Variants in CALCR observed in about 807,000 individuals in gnomAD.
The protein encoded by CALCR is calcitonin receptor.
A neutral mutation model predicts 59.5 loss-of-function variants in CALCR; 47 were observed. The ratio of observed to expected loss-of-function variants is 0.79; its 90% CI spans 0.63 to 1.01. The LOEUF (loss-of-function observed/expected upper bound fraction) is 1.01. Ranked by LOEUF, CALCR falls within the 50% of genes least tolerant of loss-of-function variation. The pLI is 0.00. For missense variants in CALCR, 566 were observed against 597.1 expected, an observed-to-expected ratio of 0.95 and a Z score of 0.54; for synonymous variants, 213 against 211.3, an observed-to-expected ratio of 1.01 and a Z score of -0.07.
chr7:93,540,949 C>CA (rs1789120041), intron 2 of CALCR, among the ~76,000 whole-genome samples: 2 of 151,598 alleles, frequency 1.3e-5, no homozygotes, highest in African/African-American at 4.9e-5. Flanking sequence ...ATATTAATAG[C>CA]AAAAAATTAA....
At chr7:93,481,381 A>G (rs1185592240) in intron 3 of CALCR, among the ~76,000 whole-genome samples, 1 of 151,818 alleles carries the variant, frequency 6.6e-6, no homozygotes, top group African/African-American at 2.4e-5. Context: ...AGATCAGTCC[A>G]TGTTGGAACA....
At chr7:93,501,098 C>T (rs1414204434) in intron 2 of CALCR, among the ~76,000 whole-genome samples, 1 of 151,816 alleles carries the variant, frequency 6.6e-6, no homozygotes, top group African/African-American at 2.4e-5. Flanking sequence ...AAGGGATGGC[C>T]AACCAAGTTG....
intron 2 of CALCR, among the ~76,000 whole-genome samples, chr7:93,520,170 G>A (rs968397628): frequency 4.6e-5 from 7 of 151,942 alleles, no homozygotes; most frequent in African/African-American, 1.7e-4. Flanking sequence ...ATGAAAAAAA[G>A]ATGGAAAATA....
chr7:93,437,433 G>T (rs563161295), intron 11 of CALCR, among the ~76,000 whole-genome samples: 1 of 152,188 alleles, frequency 6.6e-6, no homozygotes, highest in East Asian at 1.9e-4. Flanking sequence ...GTACCTGAAA[G>T]ATTATTTAAT....
chr7:93,498,436 T>A (rs1253607012), intron 2 of CALCR, among the ~76,000 whole-genome samples: 3 of 151,694 alleles, frequency 2.0e-5, no homozygotes, highest in African/African-American at 7.2e-5. Flanking sequence ...GGTTATGATC[T>A]GTCTAATTAA....
At chr7:93,492,245 G>A (rs1801096870) in intron 2 of CALCR, among the ~76,000 whole-genome samples, 1 of 151,464 alleles carries the variant, frequency 6.6e-6, no homozygotes, top group Non-Finnish European at 1.5e-5. Context: ...AGGCCTGTTG[G>A]TGGGAGGGGT....
intron 2 of CALCR, among the ~76,000 whole-genome samples, chr7:93,560,728 G>A (rs759692151): frequency 1.3e-5 from 2 of 152,068 alleles, no homozygotes; most frequent in Non-Finnish European, 2.9e-5. Flanking sequence ...GCATTTCTCA[G>A]CTTCTAACCA....
chr7:93,478,772 G>A (rs953262231), intron 4 of CALCR, among the ~76,000 whole-genome samples: 2 of 151,624 alleles, frequency 1.3e-5, no homozygotes, highest in Admixed American at 6.6e-5. Flanking sequence ...TTTTCTATGG[G>A]TCCTCTACAG....
intron 2 of CALCR, among the ~76,000 whole-genome samples, chr7:93,562,291 T>C (rs535230889): frequency 1.3e-5 from 2 of 152,206 alleles, no homozygotes; most frequent in East Asian, 3.9e-4. Context: ...TGTTTGTACA[T>C]AGCTTGGCAT....
chr7:93,472,313 T>C (rs1800569243), intron 6 of CALCR, 62 bp downstream of exon 6: 1 of 964,124 alleles, frequency 1.0e-6, no homozygotes, highest in Admixed American at 2.0e-5. Context: ...CAGTTATGCG[T>C]CCATTTCCTT....
Position 93,532,838 on chromosome 7 carries a change from C to CAAAAAAAAAAAAA in CALCR, c.-27+41438_-27+41450dup, listed in dbSNP as rs57128008. Reference sequence around the variant, plus strand: ...TAGCCTTGATTCCTCATGTCCAAAGCAAAAAAAAAAAAAAAAAAAAAAAAA... The same window carrying CAAAAAAAAAAAAA: ...TAGCCTTGATTCCTCATGTCCAAAGCAAAAAAAAAAAAAAAAAAAAAAAAAAAAAAAAAAAAAA... On this transcript the variant is annotated intron_variant, in intron 2 of 13. Coordinates refer to ENST00000426151, the MANE Select transcript of CALCR (RefSeq NM_001742.4). 2.4e-3 allele frequency among the ~76,000 whole-genome samples: 233 copies of CAAAAAAAAAAAAA among 95,640 alleles called. 10 individuals carry two copies. The highest frequency in any genetic ancestry group is 6.2e-3 in the Middle Eastern group (1 of 162). 62.7% of individuals were successfully genotyped at this position (95,640 alleles called of 152,430 possible).
At chr7:93,470,118 G>T (rs1800521513) in intron 6 of CALCR, among the ~76,000 whole-genome samples, 1 of 151,642 alleles carries the variant, frequency 6.6e-6, no homozygotes, top group Non-Finnish European at 1.5e-5. Flanking sequence ...TATTTTTGGG[G>T]CATTTTCATT....
chr7:93,547,803 A>G (rs1297094351), intron 2 of CALCR, among the ~76,000 whole-genome samples: 4 of 152,066 alleles, frequency 2.6e-5, no homozygotes, highest in Non-Finnish European at 4.4e-5. Context: ...AATTCACTTG[A>G]CCTCTGTATC....
chr7:93,517,083 A>G (rs1801665431), intron 2 of CALCR, among the ~76,000 whole-genome samples: 1 of 151,768 alleles, frequency 6.6e-6, no homozygotes, highest in Non-Finnish European at 1.5e-5. Context: ...GTCATGATTA[A>G]CCACTAATTT....
In CALCR at chr7:93,460,845, A is replaced by C. The variant is rs1269688936; in HGVS notation, c.624T>G (p.Asn208Lys). 6.2e-7 allele frequency: 1 copy of C among 1,611,030 alleles called. No individual in the cohort carries two copies. Among genetic ancestry groups the C allele is most frequent in the Non-Finnish European group, 8.5e-7 (1 of 1,178,562 alleles). Reference sequence around the variant, plus strand: ...CCGGGTCCCTTCGCACGAGCTCTCCATTGGGTACTACTTCAACCAGGTGGA... The same window carrying C: ...CCGGGTCCCTTCGCACGAGCTCTCCCTTGGGTACTACTTCAACCAGGTGGA... ...IIIHLVEVVPNGELVRRDPVS... is the reference protein window; with the variant it reads ...IIIHLVEVVPKGELVRRDPVS... Residue 208 changes from asparagine (N) to lysine (K), a missense_variant, in exon 8 of 14, where the codon AAT becomes AAG. Coordinates refer to ENST00000426151, the MANE Select transcript of CALCR (RefSeq NM_001742.4).
Position 93,477,634 on chromosome 7 carries a change from C to T in CALCR, c.240G>A (p.Leu80=). The T allele has an allele frequency of 6.2e-7, 1 of 1,611,396 alleles. No homozygotes were observed. The highest frequency in any genetic ancestry group is 8.5e-7 in the Non-Finnish European group (1 of 1,178,392). The change falls in exon 5 of 14, where the codon CTG becomes CTA. Residue 80 remains leucine, a synonymous_variant. Transcript: ENST00000426151. The part of the protein sequence containing the change: ...PYCNRTWDGW[L]CWDDTPAGVL... ...CTCCAGCCGGTGTGTCATCCCAGCA[C>T]AGCCATCCATCCCAGGTGCGATTGC...
chr7:93,512,238 C>A (rs558154187), intron 2 of CALCR, among the ~76,000 whole-genome samples: 1 of 152,202 alleles, frequency 6.6e-6, no homozygotes, highest in South Asian at 2.1e-4. Flanking sequence ...CTGGAGTGAC[C>A]AGGCATCATG....
At chr7:93,519,919 G>A (rs947277485) in intron 2 of CALCR, among the ~76,000 whole-genome samples, 1 of 151,950 alleles carries the variant, frequency 6.6e-6, no homozygotes, top group East Asian at 1.9e-4. Context: ...TAGCCATGTG[G>A]AATGGTGAGT....
At chr7:93,543,676 CA>C (rs1789205780) in intron 2 of CALCR, among the ~76,000 whole-genome samples, 2 of 152,060 alleles carry the variant, frequency 1.3e-5, no homozygotes, top group African/African-American at 2.4e-5. Context: ...CACACACACA[CA>C]CACCTAAGAA....
Sources: allele counts gnomAD v4.1 joint callset (sites outside exome capture counted in the v4.1 genomes callset), GRCh38; gene constraint gnomAD v4.1.1; transcripts MANE v1.5; gene names NCBI Gene and HGNC (gene_info 2026-07-23, HGNC 2026-07-21).